The following YAP1 variants were observed in gnomAD, a reference collection of about 807,000 sequenced individuals.
The protein encoded by YAP1 is transcriptional coactivator YAP1.
YAP1 carries 5 observed loss-of-function variants against 56.9 expected under a neutral mutation model. The ratio of observed to expected loss-of-function variants is 0.09; its 90% CI spans 0.05 to 0.18. YAP1 has a LOEUF of 0.18. Among genes scored for constraint, YAP1 ranks in the 10% least tolerant of loss-of-function variants. YAP1 has a pLI of 1.00. For missense variants in YAP1, 539 were observed against 651.8 expected (o/e 0.83, Z 1.88); for synonymous variants, 265 against 248.1 (o/e 1.07, Z -0.64).
At chr11:102,112,773 G>T in intron 1 of YAP1, 1 of 985,322 alleles carries the variant, frequency 1.0e-6, no homozygotes, top group Non-Finnish European at 1.2e-6. Context: ...ACCCCTCGAA[G>T]TGGGTTTATG....
intron 2 of YAP1, among the ~76,000 whole-genome samples, chr11:102,144,697 C>G (rs953914950): frequency 2.0e-5 from 3 of 152,126 alleles, no homozygotes; most frequent in African/African-American, 7.2e-5. Flanking sequence ...AGCCCACCAG[C>G]CTAGCATGAA....
intron 2 of YAP1, among the ~76,000 whole-genome samples, chr11:102,159,780 A>C (rs1946157876): frequency 6.6e-6 from 1 of 152,186 alleles, no homozygotes; most frequent in Non-Finnish European, 1.5e-5. Flanking sequence ...TGTCATTGGC[A>C]GAGCTGGGAT....
At chr11:102,172,714 A>G (rs1237492104) in intron 3 of YAP1, among the ~76,000 whole-genome samples, 1 of 152,140 alleles carries the variant, frequency 6.6e-6, no homozygotes, top group Non-Finnish European at 1.5e-5. Context: ...AAAGTGGAAG[A>G]AAGAAAAATA....
chr11:102,125,940 T>A (rs527380140), intron 2 of YAP1, among the ~76,000 whole-genome samples: 1 of 152,194 alleles, frequency 6.6e-6, no homozygotes, highest in East Asian at 1.9e-4. Flanking sequence ...TAGCAGCCAC[T>A]ATCTCTAGCT....
chr11:102,215,355 C>T (rs1949608853), intron 6 of YAP1, among the ~76,000 whole-genome samples: 1 of 152,174 alleles, frequency 6.6e-6, no homozygotes, highest in African/African-American at 2.4e-5. Context: ...ACCCCTTGCT[C>T]CTGTGCCATA....
At chr11:102,164,872 G>A (rs1250891118) in intron 3 of YAP1, among the ~76,000 whole-genome samples, 4 of 152,084 alleles carry the variant, frequency 2.6e-5, no homozygotes, top group South Asian at 2.1e-4. Flanking sequence ...ATAGGAATGC[G>A]CCACCACGCA....
rs528872509 is a variant in YAP1 at position 102,152,819 on chromosome 11, A to C, written c.573-9637A>C. 3.9e-5 allele frequency among the ~76,000 whole-genome samples: 6 copies of C among 152,346 alleles called. No homozygotes were observed. In the South Asian group the frequency reaches 1.2e-3, roughly 32 times the overall value. ...TCCTTGGGTAATTAAAGGGAAACTT[A>C]ACAGCCTTTCTTGGAAATATATGTA... is the stretch of plus-strand genomic sequence containing the variant. On this transcript the variant is annotated intron_variant, in intron 2 of 8. Coordinates refer to ENST00000282441, the MANE Select transcript of YAP1 (RefSeq NM_001130145.3).
chr11:102,188,571 T>C (rs1424845974), intron 4 of YAP1, among the ~76,000 whole-genome samples: 1 of 152,254 alleles, frequency 6.6e-6, no homozygotes, highest in South Asian at 2.1e-4. Context: ...GTGTTTTTAC[T>C]GTAACTTTTC....
chr11:102,225,444 C>T (rs1057115885), intron 7 of YAP1, among the ~76,000 whole-genome samples: 8 of 152,174 alleles, frequency 5.3e-5, no homozygotes, highest in Non-Finnish European at 8.8e-5. Context: ...GAGATCATGC[C>T]GTTGCACTCC....
chr11:102,152,485 C>T (rs1945713225), intron 2 of YAP1, among the ~76,000 whole-genome samples: 1 of 152,174 alleles, frequency 6.6e-6, no homozygotes, highest in Non-Finnish European at 1.5e-5. Context: ...CCAGGCTACT[C>T]TGTAAGTCTG....
At chr11:102,150,606 C>G (rs186803961) in intron 2 of YAP1, among the ~76,000 whole-genome samples, 1 of 152,134 alleles carries the variant, frequency 6.6e-6, no homozygotes, top group Non-Finnish European at 1.5e-5. Context: ...TTGTACTACT[C>G]ATTTTTTAGC....
chr11:102,206,158 T>C, intron 5 of YAP1, 84 bp downstream of exon 5: 1 of 1,485,692 alleles, frequency 6.7e-7, no homozygotes, highest in Non-Finnish European at 9.1e-7. Context: ...TAACATTTAT[T>C]AGTTACAGAG....
At chr11:102,198,803 T>G (rs940848520) in intron 4 of YAP1, among the ~76,000 whole-genome samples, 8 of 152,176 alleles carry the variant, frequency 5.3e-5, no homozygotes, top group African/African-American at 1.9e-4. Flanking sequence ...AATGTTTCTG[T>G]GTGGAAATAT....
At chr11:102,221,831 A>G (rs1949948311) in intron 6 of YAP1, among the ~76,000 whole-genome samples, 1 of 152,194 alleles carries the variant, frequency 6.6e-6, no homozygotes, top group Admixed American at 6.5e-5. Context: ...TGCAACAACT[A>G]CAATGTGATA....
chr11:102,208,830 A>C (rs1949251087), intron 5 of YAP1, among the ~76,000 whole-genome samples: 1 of 152,226 alleles, frequency 6.6e-6, no homozygotes, highest in Admixed American at 6.5e-5. Flanking sequence ...GATAATTTGT[A>C]AAGTCTAGAA....
chr11:102,112,716 T>C, intron 1 of YAP1: 1 of 985,410 alleles, frequency 1.0e-6, no homozygotes, highest in Non-Finnish European at 1.2e-6. Context: ...ACAATTTAGC[T>C]GCTTGCCTAA....
chr11:102,204,090 G>T (rs1949006153), intron 4 of YAP1, among the ~76,000 whole-genome samples: 1 of 151,870 alleles, frequency 6.6e-6, no homozygotes, highest in African/African-American at 2.4e-5. Context: ...TGCTGTGCTA[G>T]CCTGATAGAA....
intron 2 of YAP1, among the ~76,000 whole-genome samples, chr11:102,125,378 CTT>C (rs141361882): frequency 0.54 from 62,385 of 114,572 alleles, 15,872 homozygotes; most frequent in South Asian, 0.69. Flanking sequence ...CTTTTCTTTT[CTT>C]TTTTTTTTTT....
At position 102,125,357 on chromosome 11, in the gene YAP1, CT is replaced by C. The variant is rs111721125; in HGVS notation, c.572+10973del. Among the ~76,000 whole-genome samples the C allele has an allele frequency of 8.5e-3, 1,215 of 142,316 alleles. 15 individuals carry two copies. Among genetic ancestry groups the C allele is most frequent in the African/African-American group, 0.027 (1,039 of 38,110 alleles). The allele number at this position is 142,316 out of a possible 152,430, so 93.4% of individuals were successfully genotyped here. A position where few individuals can be genotyped will look rare whatever the true frequency, so the allele number is the denominator to read the frequency against. ...TTTTCCCAAAAAGCTATTTCTCATT[CT>C]TTTTTTTTTCTTTTCTTTTCTTTTT... On this transcript the variant is annotated intron_variant, in intron 2 of 8. Coordinates refer to ENST00000282441, the MANE Select transcript of YAP1 (RefSeq NM_001130145.3).
Sources: allele counts gnomAD v4.1 joint callset (sites outside exome capture counted in the v4.1 genomes callset), GRCh38; gene constraint gnomAD v4.1.1; transcripts MANE v1.5; gene names NCBI Gene and HGNC (gene_info 2026-07-23, HGNC 2026-07-21).